RBMS3: variants seen among roughly 807,000 people sequenced by gnomAD.
The protein encoded by RBMS3 is RNA-binding motif, single-stranded-interacting protein 3.
A neutral mutation model predicts 66.8 loss-of-function variants in RBMS3; 27 were observed. The ratio of observed to expected loss-of-function variants is 0.40; its 90% CI spans 0.30 to 0.56. The LOEUF is 0.56. RBMS3 is among the 20% of genes least tolerant of loss of function. RBMS3 has a pLI of 0.40. For synonymous variants in RBMS3, 188 were observed against 183.0 expected, an observed-to-expected ratio of 1.03 and a Z score of -0.22; for missense variants, 513 against 549.5, an observed-to-expected ratio of 0.93 and a Z score of 0.66.
intron 2 of RBMS3, among the ~76,000 whole-genome samples, chr3:29,444,978 C>T (rs1018197939): frequency 6.6e-6 from 1 of 151,136 alleles, no homozygotes; most frequent in African/African-American, 2.4e-5. Flanking sequence ...TCCTTCCCTC[C>T]CTACTCCCTA....
chr3:29,534,169 A>G (rs73044680), intron 3 of RBMS3, among the ~76,000 whole-genome samples: 4,656 of 152,354 alleles, frequency 0.031, 104 homozygotes, highest in Non-Finnish European at 0.048. Context: ...TTTCTGAAGG[A>G]TATAGTCTTC....
intron 3 of RBMS3, among the ~76,000 whole-genome samples, chr3:29,580,897 A>G (rs1300120741): frequency 6.6e-6 from 1 of 152,046 alleles, no homozygotes; most frequent in Non-Finnish European, 1.5e-5. Flanking sequence ...TACCCATGTT[A>G]TTTTACTCTG....
intron 2 of RBMS3, among the ~76,000 whole-genome samples, chr3:29,479,927 C>T (rs796212898): frequency 2.6e-5 from 4 of 152,294 alleles, no homozygotes; most frequent in African/African-American, 9.6e-5. Context: ...GTAAGTTCTC[C>T]AGGTCCTCAT....
At chr3:29,429,571 G>C (rs1232717153) in intron 1 of RBMS3, among the ~76,000 whole-genome samples, 1 of 152,102 alleles carries the variant, frequency 6.6e-6, no homozygotes, top group East Asian at 1.9e-4. Context: ...ATCCCCTTCT[G>C]AATGTGCCAT....
At chr3:29,946,670 G>T (rs1695336674) in intron 12 of RBMS3, among the ~76,000 whole-genome samples, 1 of 151,564 alleles carries the variant, frequency 6.6e-6, no homozygotes, top group Admixed American at 6.6e-5. Flanking sequence ...AATACTGTTT[G>T]GTTTTCTGTG....
At chr3:29,329,153 C>T (rs2035507871) in intron 1 of RBMS3, among the ~76,000 whole-genome samples, 1 of 151,860 alleles carries the variant, frequency 6.6e-6, no homozygotes, top group Non-Finnish European at 1.5e-5. Context: ...TATTTTTTGC[C>T]CCTGAACTTC....
At chr3:29,476,830 C>T (rs2042964703) in intron 2 of RBMS3, among the ~76,000 whole-genome samples, 1 of 151,976 alleles carries the variant, frequency 6.6e-6, no homozygotes. Context: ...TTTGTGGGTT[C>T]TGAATCTTTA....
intron 2 of RBMS3, among the ~76,000 whole-genome samples, chr3:29,435,911 T>A (rs1238350576): frequency 1.3e-5 from 2 of 151,230 alleles, no homozygotes; most frequent in Non-Finnish European, 2.9e-5. Flanking sequence ...GAGGCGGAGT[T>A]TGCAGTGAGC....
intron 6 of RBMS3, among the ~76,000 whole-genome samples, chr3:29,846,006 G>A (rs1379288723): frequency 6.6e-6 from 1 of 152,050 alleles, no homozygotes; most frequent in Non-Finnish European, 1.5e-5. Flanking sequence ...GTGAGCAACA[G>A]TCAAGAGTTG....
At chr3:29,312,128 T>A (rs948459853) in intron 1 of RBMS3, among the ~76,000 whole-genome samples, 1 of 151,776 alleles carries the variant, frequency 6.6e-6, no homozygotes, top group Admixed American at 6.6e-5. Flanking sequence ...ACTGTTTAAA[T>A]TTCCTGAACC....
At chr3:29,984,172 T>C (rs563556424) in intron 12 of RBMS3, among the ~76,000 whole-genome samples, 27 of 151,980 alleles carry the variant, frequency 1.8e-4, no homozygotes, top group African/African-American at 6.3e-4. Flanking sequence ...ATCTTCAATC[T>C]CTCATATCCT....
chr3:29,717,455 T>C (rs1397522411), intron 4 of RBMS3, among the ~76,000 whole-genome samples: 1 of 152,130 alleles, frequency 6.6e-6, no homozygotes, highest in Non-Finnish European at 1.5e-5. Flanking sequence ...TGTCCCTTTT[T>C]CTACCCCAAC....
chr3:29,405,026 A>C (rs1024882619), intron 1 of RBMS3, among the ~76,000 whole-genome samples: 1 of 152,172 alleles, frequency 6.6e-6, no homozygotes, highest in Admixed American at 6.6e-5. Flanking sequence ...GTTAAAAACC[A>C]CAATAACCAT....
chr3:29,509,369 G>C lies in RBMS3; in HGVS notation c.307+20870G>C, dbSNP rs9310903. Among the ~76,000 whole-genome samples the C allele has an allele frequency of 1.1e-3, 169 of 152,224 alleles. No homozygotes were observed. The Middle Eastern group carries it at 0.02, about 18-fold the overall frequency. On this transcript the variant is annotated intron_variant, in intron 3 of 14. Transcript: ENST00000383767. Reference sequence around the variant, plus strand: ...TTACTAATAATGACTAATATATAGTGAGCATTTTCTATGTACATAAATTAT... The same window carrying C: ...TTACTAATAATGACTAATATATAGTCAGCATTTTCTATGTACATAAATTAT...
intron 2 of RBMS3, among the ~76,000 whole-genome samples, chr3:29,472,194 A>ATT (rs11326167): frequency 1.3e-4 from 18 of 139,950 alleles, no homozygotes; most frequent in African/African-American, 2.9e-4. Context: ...GCCTCTTCTA[A>ATT]TTTTTTTTTT....
At chr3:30,001,789 TTTTATTA>T (rs1247071393) in intron 14 of RBMS3, among the ~76,000 whole-genome samples, 1 of 151,294 alleles carries the variant, frequency 6.6e-6, no homozygotes, top group East Asian at 1.9e-4. Context: ...TTATTTCTTA[TTTTATTA>T]TTTATTTTAT....
intron 3 of RBMS3, among the ~76,000 whole-genome samples, chr3:29,505,601 T>A (rs1325669880): frequency 3.3e-5 from 5 of 151,894 alleles, no homozygotes; most frequent in Admixed American, 6.6e-5. Flanking sequence ...TAGGACTTTT[T>A]TTTATTTCTG....
intron 1 of RBMS3, among the ~76,000 whole-genome samples, chr3:29,299,856 A>G (rs1396964576): frequency 2.0e-5 from 3 of 151,918 alleles, no homozygotes; most frequent in Non-Finnish European, 2.9e-5. Context: ...AAATCTTCAT[A>G]TAGCAGAAAA....
chr3:29,498,817 A>G (rs2043859238), intron 3 of RBMS3, among the ~76,000 whole-genome samples: 1 of 152,204 alleles, frequency 6.6e-6, no homozygotes, highest in African/African-American at 2.4e-5. Flanking sequence ...GCTTGTATGT[A>G]ACTTACATAA....
Sources: gnomAD v4.1 joint callset for allele counts (sites outside exome capture counted in the v4.1 genomes callset) on GRCh38, gnomAD v4.1.1 for gene constraint, MANE v1.5 for transcripts, NCBI Gene and HGNC (gene_info 2026-07-23, HGNC 2026-07-21) for gene names.